The following BST1 variants were observed in gnomAD, a reference collection of about 807,000 sequenced individuals.
BST1 encodes ADP-ribosyl cyclase/cyclic ADP-ribose hydrolase 2.
BST1 carries 49 observed loss-of-function variants against 40.6 expected under a neutral mutation model. The ratio of observed to expected loss-of-function variants is 1.21; its 90% CI spans 0.96 to 1.53. The LOEUF (loss-of-function observed/expected upper bound fraction) is 1.53. Among genes scored for constraint, BST1 ranks in the 40% most tolerant of loss-of-function variants. The probability of loss-of-function intolerance (pLI) is 0.00; values close to 1 mark genes in which losing one functional copy is unlikely to be tolerated. For missense variants in BST1, 423 were observed against 395.9 expected, an observed-to-expected ratio of 1.07 and a Z score of -0.58; for synonymous variants, 157 against 159.3, an observed-to-expected ratio of 0.99 and a Z score of 0.11.
downstream of BST1, chr4:15,743,293 C>A (rs1261534009): frequency 6.7e-6 from 2 of 298,858 alleles, no homozygotes; most frequent in Admixed American, 4.8e-5. Context: ...ACAGACATAC[C>A]GACCAAACAG....
At position 15,731,930 on chromosome 4, in the gene BST1, TTC is replaced by T. The variant is rs1165370915; in HGVS notation, c.*87_*88del. ...TTCGTGTTCTGTGTATACCAAATGA[TTC>T]TGTTATCTAAAGAAGCTTTTTGCTG... is the stretch of plus-strand genomic sequence containing the variant. On this transcript the variant is annotated 3_prime_UTR_variant, in exon 9 of 9. Coordinates refer to ENST00000265016, the MANE Select transcript of BST1 (RefSeq NM_004334.3). 8 of 1,441,530 alleles carry T rather than the reference TTC, an allele frequency of 5.5e-6. No homozygotes were observed. Among genetic ancestry groups the T allele is most frequent in the Non-Finnish European group, 6.4e-6 (7 of 1,090,316 alleles). 89.3% of individuals were successfully genotyped at this position (1,441,530 alleles called of 1,614,324 possible). A position where few individuals can be genotyped will look rare whatever the true frequency, so the allele number is the denominator to read the frequency against.
chr4:15,739,776 G>A (rs1043182709), downstream of BST1, among the ~76,000 whole-genome samples: 1 of 152,026 alleles, frequency 6.6e-6, no homozygotes, highest in East Asian at 1.9e-4. Context: ...AATTTTGTAG[G>A]GTAAAAAGAT....
At chr4:15,768,532 G>A in the BST1 span, among the ~76,000 whole-genome samples, 2 of 142,430 alleles carry the variant, frequency 1.4e-5, no homozygotes, top group South Asian at 4.6e-4. Context: ...TGTCACCCAG[G>A]CCGGACTGCG....
the BST1 span, among the ~76,000 whole-genome samples, chr4:15,763,769 G>C: frequency 6.6e-6 from 1 of 151,928 alleles, no homozygotes; most frequent in African/African-American, 2.4e-5. Context: ...GCCATGAAAA[G>C]ACATAAAGGA....
intron 1 of BST1, chr4:15,704,786 G>C: frequency 1.5e-6 from 1 of 672,298 alleles, no homozygotes; most frequent in Non-Finnish European, 2.7e-6. Context: ...CCTAAATCTG[G>C]AGGATTTCTG....
At chr4:15,770,222 T>G in the BST1 span, among the ~76,000 whole-genome samples, 4 of 152,208 alleles carry the variant, frequency 2.6e-5, no homozygotes, top group Admixed American at 1.3e-4. Context: ...GTGTGCTTTT[T>G]ATTCTAGAAC....
intron 2 of BST1, among the ~76,000 whole-genome samples, chr4:15,706,771 T>G (rs935604005): frequency 6.6e-6 from 1 of 152,228 alleles, no homozygotes; most frequent in Non-Finnish European, 1.5e-5. Flanking sequence ...GGAAGCTGAC[T>G]TTTTAACCTT....
chr4:15,721,573 G>A (rs1005328454), intron 7 of BST1, among the ~76,000 whole-genome samples: 7 of 150,892 alleles, frequency 4.6e-5, no homozygotes, highest in Non-Finnish European at 7.4e-5. Flanking sequence ...ACCAAACACC[G>A]CATGTTCTCA....
chr4:15,729,562 C>T (rs542383437), intron 8 of BST1, among the ~76,000 whole-genome samples: 6 of 152,212 alleles, frequency 3.9e-5, no homozygotes, highest in African/African-American at 1.4e-4. Context: ...TGTCAGAGTT[C>T]ACCAGGTTTT....
chr4:15,758,473 A>G, the BST1 span, among the ~76,000 whole-genome samples: 9 of 152,216 alleles, frequency 5.9e-5, no homozygotes, highest in Non-Finnish European at 1.0e-4. Context: ...TTGCGGCTGT[A>G]TCCATGTTGC....
chr4:15,708,403 C>T (rs535246792), intron 3 of BST1, among the ~76,000 whole-genome samples: 40 of 152,158 alleles, frequency 2.6e-4, no homozygotes, highest in African/African-American at 9.2e-4. Flanking sequence ...GATATCAGCT[C>T]GAGTGATATG....
At position 15,707,890 on chromosome 4, in the gene BST1, C is replaced by CAT. The variant is rs1287109763; in HGVS notation, c.451+252_451+253dup. On this transcript the variant is annotated intron_variant, in intron 3 of 8. Coordinates refer to ENST00000265016, the MANE Select transcript of BST1 (RefSeq NM_004334.3). ...ATATATATATACACATATATATACA[C>CAT]ATATATATACATATCTATACATATC... Among the ~76,000 whole-genome samples the CAT allele has an allele frequency of 1.1e-4, 16 of 147,770 alleles. No individual in the cohort carries two copies. The East Asian group carries it at 1.6e-3, about 14-fold the overall frequency.
chr4:15,717,724 A>C (rs1039405052), intron 6 of BST1, among the ~76,000 whole-genome samples: 2 of 152,246 alleles, frequency 1.3e-5, no homozygotes, highest in Non-Finnish European at 2.9e-5. Flanking sequence ...TTACCAAGAC[A>C]GTTGTAGGTA....
intron 4 of BST1, among the ~76,000 whole-genome samples, chr4:15,712,303 G>A (rs1310837137): frequency 6.6e-6 from 1 of 152,194 alleles, no homozygotes; most frequent in Non-Finnish European, 1.5e-5. Context: ...ATTAATGGGA[G>A]AGGAACTGAT....
chr4:15,713,658 C>A (rs1234499310), intron 4 of BST1, among the ~76,000 whole-genome samples: 1 of 152,126 alleles, frequency 6.6e-6, no homozygotes. Context: ...AGACTTTCAA[C>A]CACGACGTTA....
chr4:15,703,371 G>A (rs1220277178), intron 1 of BST1, 39 bp downstream of exon 1: 1 of 1,488,244 alleles, frequency 6.7e-7, no homozygotes, highest in Non-Finnish European at 8.9e-7. Flanking sequence ...GCCGGAAAGA[G>A]GCAACGGTGG....
chr4:15,706,897 C>A (rs1220216825), intron 2 of BST1, among the ~76,000 whole-genome samples: 1 of 152,206 alleles, frequency 6.6e-6, no homozygotes, highest in African/African-American at 2.4e-5. Context: ...AGCCCTCACC[C>A]TTGGGGACCT....
intron 3 of BST1, among the ~76,000 whole-genome samples, chr4:15,708,656 A>G (rs1021325954): frequency 1.3e-5 from 2 of 152,120 alleles, no homozygotes; most frequent in African/African-American, 4.8e-5. Flanking sequence ...AGGTGGGTGG[A>G]TCATTTGAGG....
At chr4:15,768,389 A>T in the BST1 span, among the ~76,000 whole-genome samples, 1 of 151,982 alleles carries the variant, frequency 6.6e-6, no homozygotes, top group Non-Finnish European at 1.5e-5. Context: ...TTGGTAGTCC[A>T]TGGAAGAAGA....
Sources: allele counts gnomAD v4.1 joint callset (sites outside exome capture counted in the v4.1 genomes callset), GRCh38; gene constraint gnomAD v4.1.1; transcripts MANE v1.5; gene names NCBI Gene and HGNC (gene_info 2026-07-23, HGNC 2026-07-21).